RASGEF1B: variants seen among roughly 807,000 people sequenced by gnomAD.
RASGEF1B encodes the protein RasGEF domain family member 1B.
In RASGEF1B, 30 loss-of-function variants were observed where a neutral mutation model predicts 65.7. That is an observed-to-expected ratio of 0.46 (90% CI 0.34 to 0.62). RASGEF1B has a LOEUF of 0.62. Among genes scored for constraint, RASGEF1B ranks in the 20% least tolerant of loss-of-function variants. RASGEF1B has a pLI of 0.01. For missense variants in RASGEF1B, 495 were observed against 580.1 expected (o/e 0.85, Z 1.51); for synonymous variants, 175 against 194.8 (o/e 0.90, Z 0.85).
At chr4:81,458,700 G>A (rs1377565881) in intron 2 of RASGEF1B, among the ~76,000 whole-genome samples, 1 of 152,164 alleles carries the variant, frequency 6.6e-6, no homozygotes, top group East Asian at 1.9e-4. Context: ...TTTGACTGCT[G>A]ATGCTGGGAG....
intron 10 of RASGEF1B, among the ~76,000 whole-genome samples, 172 bp from the exon 11 acceptor site, chr4:81,434,906 T>C (rs923502451): frequency 1.3e-5 from 2 of 152,208 alleles, no homozygotes; most frequent in Non-Finnish European, 2.9e-5. Flanking sequence ...TTACATAATT[T>C]TGCTTATACT....
intron 3 of RASGEF1B, 45 bp from the exon 4 acceptor site, chr4:81,456,833 G>A: frequency 6.8e-7 from 1 of 1,467,960 alleles, no homozygotes; most frequent in East Asian, 2.3e-5. Flanking sequence ...TTATCACTAT[G>A]GACTACATCA....
intron 6 of RASGEF1B, among the ~76,000 whole-genome samples, chr4:81,446,750 C>T (rs1722037024): frequency 6.6e-6 from 1 of 152,122 alleles, no homozygotes; most frequent in African/African-American, 2.4e-5. Context: ...CTAATTACAC[C>T]CCTCTTTCCT....
At chr4:81,448,646 G>T (rs1722134695) in intron 4 of RASGEF1B, among the ~76,000 whole-genome samples, 1 of 152,086 alleles carries the variant, frequency 6.6e-6, no homozygotes, top group Admixed American at 6.5e-5. Flanking sequence ...TTTACTTCTG[G>T]TGGGTTGAAA....
chr4:81,456,743 C>T lies in RASGEF1B; in HGVS notation c.346G>A (p.Glu116Lys). The T allele has an allele frequency of 6.2e-7, 1 of 1,613,792 alleles. No homozygotes were observed. The highest frequency in any genetic ancestry group is 1.1e-5 in the South Asian group (1 of 91,036). The change falls in exon 4 of 14, where the codon GAA becomes AAA. Residue 116 changes from glutamate to lysine, a missense_variant. By Grantham distance (56) the Glu-to-Lys change is moderately conservative. Coordinates refer to ENST00000264400, the MANE Select transcript of RASGEF1B (RefSeq NM_152545.3). ...TCATAGGGAAATGTTTCCGTCCATTCCGTGAGGAGTTGAAGGATTTTGGGT... is the reference window on the plus strand; with the variant it reads ...TCATAGGGAAATGTTTCCGTCCATTTCGTGAGGAGTTGAAGGATTTTGGGT... ...IAPKILQLLT[E>K]WTETFPYDFR...
In RASGEF1B at chr4:81,427,358, G is replaced by A. The variant is rs1721262927; in HGVS notation, c.*410C>T. The A allele has an allele frequency of 5.9e-6, 1 of 170,350 alleles. No individual in the cohort carries two copies. The highest frequency in any genetic ancestry group is 6.3e-5 in the Admixed American group (1 of 15,812). The allele number at this position is 170,350 out of a possible 1,614,324, so 10.6% of individuals were successfully genotyped here. A position where few individuals can be genotyped will look rare whatever the true frequency, so the allele number is the denominator to read the frequency against. ...ATTTAAGTTAACAAAAGAAACGTGG[G>A]CTTCCTCAGAGCCAGCACTCAGCTG... is the stretch of plus-strand genomic sequence containing the variant. On this transcript the variant is annotated 3_prime_UTR_variant, in exon 14 of 14. Transcript: ENST00000264400.
chr4:81,435,734 C>T (rs1489480893), intron 10 of RASGEF1B, among the ~76,000 whole-genome samples: 1 of 147,460 alleles, frequency 6.8e-6, no homozygotes, highest in Non-Finnish European at 1.5e-5. Context: ...CTTGGCCTCC[C>T]AAAGTGCTGG....
At chr4:81,468,808 G>A (rs542533283) in intron 1 of RASGEF1B, among the ~76,000 whole-genome samples, 3 of 152,232 alleles carry the variant, frequency 2.0e-5, no homozygotes, top group Admixed American at 6.5e-5. Context: ...TGCATGAAGC[G>A]ATAGTACAAC....
Position 81,459,465 on chromosome 4 carries a change from C to G in RASGEF1B, c.44G>C (p.Gly15Ala), listed in dbSNP as rs1175542612. 1.2e-6 allele frequency: 2 copies of G among 1,609,560 alleles called. No individual in the cohort carries two copies. Residue 15 changes from glycine (G) to alanine (A), a missense_variant, in exon 2 of 14, where the codon GGT becomes GCT. Transcript: ENST00000264400. ...AGACTGATAGAGGTTTCGATTGTAA[C>G]CACTGCTGTCAAACATTGCTGAAAA... ...PPFSAMFDSS[G>A]YNRNLYQSAE...
intron 5 of RASGEF1B, 90 bp from the exon 6 acceptor site, chr4:81,447,668 C>G (rs1722081754): frequency 5.4e-6 from 5 of 922,390 alleles, no homozygotes; most frequent in Middle Eastern, 2.1e-4. Context: ...GCACCACCCC[C>G]CATTTTTTAA....
At chr4:81,434,245 G>T (rs1721533266) in intron 11 of RASGEF1B, among the ~76,000 whole-genome samples, 1 of 152,052 alleles carries the variant, frequency 6.6e-6, no homozygotes, top group African/African-American at 2.4e-5. Context: ...CAGAGACAGG[G>T]TCTCACTGTT....
chr4:81,440,832 A>G lies in RASGEF1B; in HGVS notation c.1104+2T>C. ...AAGAAAGATACTTCTTTAAGTGCAT[A>G]CCTTTTCTCTACTACTATGAGCAGT... On this transcript the variant is annotated splice_donor_variant, in intron 10 of 13. Coordinates refer to ENST00000264400, the MANE Select transcript of RASGEF1B (RefSeq NM_152545.3). LOFTEE classifies it high-confidence loss of function. 6.3e-7 allele frequency: 1 copy of G among 1,584,354 alleles called. No homozygotes were observed. Among genetic ancestry groups the G allele is most frequent in the South Asian group, 1.1e-5 (1 of 89,288 alleles).
intron 1 of RASGEF1B, among the ~76,000 whole-genome samples, chr4:81,468,973 C>G (rs897978059): frequency 6.6e-6 from 1 of 152,158 alleles, no homozygotes; most frequent in African/African-American, 2.4e-5. Context: ...ATTTCCAAGG[C>G]AGAAATATGC....
chr4:81,460,084 T>G (rs186998667), intron 1 of RASGEF1B, among the ~76,000 whole-genome samples: 1 of 152,372 alleles, frequency 6.6e-6, no homozygotes, highest in Non-Finnish European at 1.5e-5. Context: ...ACTCTTCAGT[T>G]TTCACTGAAA....
intron 10 of RASGEF1B, among the ~76,000 whole-genome samples, chr4:81,435,676 C>A (rs565845848): frequency 6.7e-6 from 1 of 149,200 alleles, no homozygotes; most frequent in African/African-American, 2.5e-5. Context: ...AGGGTTTCAC[C>A]GTGTTAGCCA....
At chr4:81,432,425 T>G in intron 12 of RASGEF1B, 54 bp from the exon 13 acceptor site, 2 of 1,105,212 alleles carry the variant, frequency 1.8e-6, no homozygotes, top group Non-Finnish European at 2.8e-6. Flanking sequence ...CCTGATATAT[T>G]ATCTACCACC....
intron 4 of RASGEF1B, chr4:81,454,008 G>T (rs1396777247): frequency 6.6e-6 from 1 of 152,166 alleles, no homozygotes; most frequent in African/African-American, 2.4e-5. Context: ...TCAACCCTTA[G>T]TTTAATCAAT....
Position 81,457,537 on chromosome 4 carries a change from C to A in RASGEF1B, c.262G>T (p.Val88Phe). ...ELMAKVCHLC[V>F]EHQRLSDPDS... ...GGATCACTTAGTCTCTGGTGCTCAA[C>A]ACATAAGTGGCAAACTTTGGCCATT... The change falls in exon 3 of 14, where the codon GTT (valine) becomes TTT (phenylalanine). Residue 88 changes from valine to phenylalanine, a missense_variant. Val to Phe is a conservative substitution (Grantham distance 50, BLOSUM62 -1). Coordinates refer to ENST00000264400, the MANE Select transcript of RASGEF1B (RefSeq NM_152545.3). 1 of 1,614,086 alleles carries A rather than the reference C, an allele frequency of 6.2e-7. No individual in the cohort carries two copies. The highest frequency in any genetic ancestry group is 1.1e-5 in the South Asian group (1 of 91,078).
chr4:81,443,295 A>G (rs758308688), intron 8 of RASGEF1B, among the ~76,000 whole-genome samples: 1 of 152,356 alleles, frequency 6.6e-6, no homozygotes, highest in East Asian at 1.9e-4. Flanking sequence ...CTGAGGTACA[A>G]TTTACATACA....
Sources: allele counts gnomAD v4.1 joint callset (sites outside exome capture counted in the v4.1 genomes callset), GRCh38; gene constraint gnomAD v4.1.1; transcripts MANE v1.5; gene names NCBI Gene and HGNC (gene_info 2026-07-23, HGNC 2026-07-21).